Variants in SNAP29 observed in about 807,000 individuals in gnomAD.
SNAP29 encodes synaptosomal-associated protein 29.
In SNAP29, 13 loss-of-function variants were observed where a neutral mutation model predicts 27.9. The ratio of observed to expected loss-of-function variants is 0.47; its 90% CI spans 0.30 to 0.74. The LOEUF (loss-of-function observed/expected upper bound fraction) is 0.74. Ranked by LOEUF, SNAP29 falls within the 30% of genes least tolerant of loss-of-function variation. The pLI, the probability that SNAP29 is intolerant of heterozygous loss-of-function variation, is 0.06. For missense variants in SNAP29, 368 were observed against 336.5 expected (o/e 1.09, Z -0.73); for synonymous variants, 119 against 127.1 (o/e 0.94, Z 0.43).
chr22:20,889,947 G>GTT lies in SNAP29; in HGVS notation c.*2120_*2121dup. The GTT allele has an allele frequency of 1.1e-4, 26 of 234,692 alleles. No individual in the cohort carries two copies. The highest frequency in any genetic ancestry group is 1.3e-4 in the Non-Finnish European group (16 of 123,746). The allele number at this position is 234,692 out of a possible 1,614,324, so 14.5% of individuals were successfully genotyped here. On this transcript the variant is annotated 3_prime_UTR_variant, in exon 5 of 5. Transcript: ENST00000215730. ...GTCACCCGCCCTTCTCTGTTTTTTG[G>GTT]TTTTTTTTTTCTTAACCCCAGGTAT...
At chr22:20,883,641 G>A (rs1928944321) in intron 4 of SNAP29, 72 bp downstream of exon 4, 2 of 945,180 alleles carry the variant, frequency 2.1e-6, no homozygotes, top group Admixed American at 3.4e-5. Flanking sequence ...CATAGCCCCT[G>A]CATGAGCATC....
chr22:20,860,975 T>G (rs1275250629), intron 1 of SNAP29, among the ~76,000 whole-genome samples: 1 of 152,158 alleles, frequency 6.6e-6, no homozygotes, highest in East Asian at 1.9e-4. Flanking sequence ...ATGTCAAGGT[T>G]GCAGTGAGCC....
chr22:20,861,454 T>C (rs165827), intron 1 of SNAP29, among the ~76,000 whole-genome samples: 47,905 of 151,812 alleles, frequency 0.32, 7,772 homozygotes, highest in East Asian at 0.43. Flanking sequence ...TTTGTTTTGT[T>C]TGAGACAAAG....
At chr22:20,879,452 T>C (rs572887422) in intron 2 of SNAP29, among the ~76,000 whole-genome samples, 2 of 151,866 alleles carry the variant, frequency 1.3e-5, no homozygotes, top group South Asian at 4.1e-4. Flanking sequence ...GGCAGAAGAA[T>C]AGCTTGAACC....
At chr22:20,874,367 A>T (rs1181419425) in intron 2 of SNAP29, among the ~76,000 whole-genome samples, 1 of 124,698 alleles carries the variant, frequency 8.0e-6, no homozygotes, top group Non-Finnish European at 1.8e-5. Context: ...ACACACACAC[A>T]CACACACACA....
chr22:20,874,206 C>T (rs976389508), intron 2 of SNAP29, among the ~76,000 whole-genome samples: 20 of 144,808 alleles, frequency 1.4e-4, no homozygotes, highest in Non-Finnish European at 2.6e-4. Flanking sequence ...ACCCAGGAGG[C>T]GGAGCTTACA....
At chr22:20,874,757 C>T (rs1295031969) in intron 2 of SNAP29, among the ~76,000 whole-genome samples, 1 of 151,946 alleles carries the variant, frequency 6.6e-6, no homozygotes, top group Non-Finnish European at 1.5e-5. Context: ...AAACATCCGC[C>T]ATTTCCCTCC....
intron 1 of SNAP29, chr22:20,859,549 C>T: frequency 1.0e-5 from 6 of 596,956 alleles, no homozygotes; most frequent in Non-Finnish European, 1.8e-5. Context: ...GCAGTTTACC[C>T]CAGAAATCTT....
At position 20,859,095 on chromosome 22, in the gene SNAP29, GA is replaced by G; in HGVS notation, c.-15del. On this transcript the variant is annotated 5_prime_UTR_variant, in exon 1 of 5. Coordinates refer to ENST00000215730, the MANE Select transcript of SNAP29 (RefSeq NM_004782.4). The stretch of plus-strand genomic sequence containing the variant: ...CTCCTCCTTCTGTTTCCCAGACCGA[GA>G]GCCGCGCCGGCACCATGTCAGCTTA... 1.0e-5 allele frequency: 16 copies of G among 1,585,832 alleles called. No homozygotes were observed. Among genetic ancestry groups the G allele is most frequent in the Non-Finnish European group, 1.1e-5 (13 of 1,159,934 alleles).
intron 1 of SNAP29, 127 bp from the exon 2 acceptor site, chr22:20,870,210 A>C (rs761254696): frequency 2.0e-5 from 16 of 793,152 alleles, no homozygotes; most frequent in Non-Finnish European, 3.5e-5. Context: ...TGCCCCTCAC[A>C]GATGACAGTA....
chr22:20,869,253 C>T (rs141403278), intron 1 of SNAP29, among the ~76,000 whole-genome samples: 53 of 152,264 alleles, frequency 3.5e-4, no homozygotes, highest in African/African-American at 1.2e-3. Flanking sequence ...GAGCAAGACT[C>T]CATCTCAAAA....
chr22:20,862,190 G>GCC (rs1222663104), intron 1 of SNAP29, among the ~76,000 whole-genome samples: 2 of 152,334 alleles, frequency 1.3e-5, no homozygotes, highest in East Asian at 3.9e-4. Flanking sequence ...AGGTTTTAGG[G>GCC]CCCTGGTGAA....
intron 3 of SNAP29, 61 bp downstream of exon 3, chr22:20,881,195 G>A (rs1366326471): frequency 3.2e-6 from 4 of 1,248,184 alleles, no homozygotes; most frequent in Non-Finnish European, 4.7e-6. Flanking sequence ...TCTAGGTTTG[G>A]CGTTGGTCCT....
intron 2 of SNAP29, among the ~76,000 whole-genome samples, chr22:20,876,310 T>G (rs1256359519): frequency 6.9e-6 from 1 of 145,218 alleles, no homozygotes; most frequent in Non-Finnish European, 1.5e-5. Flanking sequence ...CAGGCTGGAG[T>G]GCAGTGGTGC....
chr22:20,884,682 C>T (rs530491132), intron 4 of SNAP29, among the ~76,000 whole-genome samples: 5 of 152,306 alleles, frequency 3.3e-5, no homozygotes, highest in Admixed American at 1.3e-4. Context: ...CCCAATCAGA[C>T]TGTAGATTCC....
chr22:20,873,534 C>T (rs1378106618), intron 2 of SNAP29, among the ~76,000 whole-genome samples: 2 of 152,102 alleles, frequency 1.3e-5, no homozygotes, highest in African/African-American at 4.8e-5. Flanking sequence ...AAAGAACAGG[C>T]AGGCGAAGCC....
At chr22:20,873,320 T>G (rs1040453777) in intron 2 of SNAP29, among the ~76,000 whole-genome samples, 1 of 151,628 alleles carries the variant, frequency 6.6e-6, no homozygotes, top group Admixed American at 6.6e-5. Context: ...TGCAGAGCCG[T>G]TTTTTTTAAT....
intron 2 of SNAP29, among the ~76,000 whole-genome samples, chr22:20,878,609 G>A (rs932928405): frequency 6.6e-5 from 10 of 151,964 alleles, no homozygotes; most frequent in African/African-American, 2.2e-4. Flanking sequence ...AGGAGAGGCT[G>A]GGTTTCTGGG....
intron 2 of SNAP29, among the ~76,000 whole-genome samples, chr22:20,880,458 A>G (rs1928863422): frequency 6.6e-6 from 1 of 151,656 alleles, no homozygotes; most frequent in South Asian, 2.1e-4. Context: ...GTGAGCCAAG[A>G]TCACGCCACT....
Sources: gnomAD v4.1 joint callset for allele counts (sites outside exome capture counted in the v4.1 genomes callset) on GRCh38, gnomAD v4.1.1 for gene constraint, MANE v1.5 for transcripts, NCBI Gene and HGNC (gene_info 2026-07-23, HGNC 2026-07-21) for gene names.